Variants in ZNF644 observed in about 807,000 individuals in gnomAD.
The protein encoded by ZNF644 is zinc finger protein 644.
A neutral mutation model predicts 108.0 loss-of-function variants in ZNF644; 20 were observed. The observed-to-expected ratio is 0.19, with a 90% confidence interval of 0.13 to 0.27. The LOEUF is 0.27. Among genes scored for constraint, ZNF644 ranks in the 10% least tolerant of loss-of-function variants. The probability of loss-of-function intolerance (pLI) is 1.00; values close to 1 mark genes in which losing one functional copy is unlikely to be tolerated. For synonymous variants in ZNF644, 542 were observed against 539.1 expected, an observed-to-expected ratio of 1.01 and a Z score of -0.08; for missense variants, 1,338 against 1,548.9, an observed-to-expected ratio of 0.86 and a Z score of 2.29.
rs1164264503 is a variant in ZNF644, at chr1:90,940,539, TTAG to T, written c.812_814del (p.Thr271del). The T allele has an allele frequency of 6.2e-7, 1 of 1,613,894 alleles. No individual in the cohort carries two copies. Among genetic ancestry groups the T allele is most frequent in the Non-Finnish European group, 8.5e-7 (1 of 1,179,952 alleles). On this transcript the variant is annotated inframe_deletion, in exon 3 of 6. Transcript: ENST00000337393. Reference sequence around the variant, plus strand: ...TGGAGCTTTATCTACTGTTTCCTCATTAGTCATAAGAAATTGAATGAACTCTTT... The same window carrying T: ...TGGAGCTTTATCTACTGTTTCCTCATTCATAAGAAATTGAATGAACTCTTT...
At chr1:90,920,699 C>G (rs1200178879) in intron 4 of ZNF644, among the ~76,000 whole-genome samples, 1 of 151,910 alleles carries the variant, frequency 6.6e-6, no homozygotes, top group Non-Finnish European at 1.5e-5. Context: ...CCTTGGAAAG[C>G]AGGACAACTC....
intron 2 of ZNF644, among the ~76,000 whole-genome samples, chr1:90,977,621 AT>A (rs1215985486): frequency 6.6e-6 from 1 of 152,226 alleles, no homozygotes; most frequent in Non-Finnish European, 1.5e-5. Flanking sequence ...GAAAACAGAT[AT>A]TCTCATAAAC....
chr1:90,918,695 A>T (rs1649080978), intron 4 of ZNF644, among the ~76,000 whole-genome samples: 1 of 152,142 alleles, frequency 6.6e-6, no homozygotes, highest in Non-Finnish European at 1.5e-5. Flanking sequence ...TTTCATAGTG[A>T]TTCACCATGA....
intron 1 of ZNF644, among the ~76,000 whole-genome samples, chr1:91,016,353 C>A (rs575459070): frequency 6.6e-6 from 1 of 152,298 alleles, no homozygotes; most frequent in African/African-American, 2.4e-5. Context: ...GCAAACATCA[C>A]AAAGTGTACT....
chr1:91,011,435 T>C (rs573428444), intron 1 of ZNF644, among the ~76,000 whole-genome samples: 7 of 152,316 alleles, frequency 4.6e-5, no homozygotes, highest in African/African-American at 1.4e-4. Flanking sequence ...TTTTTTATTA[T>C]ATACGTTTAA....
At chr1:90,977,462 A>G (rs1321502641) in intron 2 of ZNF644, among the ~76,000 whole-genome samples, 1 of 152,216 alleles carries the variant, frequency 6.6e-6, no homozygotes, top group East Asian at 1.9e-4. Context: ...AAATCTTCAC[A>G]TATATTCTCC....
At chr1:90,986,913 AC>A (rs1657156961) in intron 1 of ZNF644, among the ~76,000 whole-genome samples, 2 of 151,884 alleles carry the variant, frequency 1.3e-5, no homozygotes, top group African/African-American at 4.8e-5. Flanking sequence ...TAAAAAACTT[AC>A]TCTTACCCAA....
intron 2 of ZNF644, among the ~76,000 whole-genome samples, chr1:90,947,269 A>G (rs563153230): frequency 2.0e-5 from 3 of 152,176 alleles, no homozygotes; most frequent in Non-Finnish European, 4.4e-5. Flanking sequence ...TGTAATTAGA[A>G]TAAGTGATGG....
chr1:90,981,815 T>C (rs1019736705), intron 2 of ZNF644, among the ~76,000 whole-genome samples: 1 of 152,088 alleles, frequency 6.6e-6, no homozygotes, highest in Non-Finnish European at 1.5e-5. Flanking sequence ...AATTTACAAT[T>C]TTGAATACTA....
chr1:90,955,519 T>C (rs1275650795), intron 2 of ZNF644, among the ~76,000 whole-genome samples: 1 of 152,246 alleles, frequency 6.6e-6, no homozygotes, highest in Non-Finnish European at 1.5e-5. Context: ...CTCGGTAATT[T>C]GCTGCAGCTT....
intron 1 of ZNF644, among the ~76,000 whole-genome samples, chr1:90,994,659 T>G (rs906233593): frequency 1.3e-5 from 2 of 152,182 alleles, no homozygotes; most frequent in African/African-American, 2.4e-5. Flanking sequence ...TCCCCAACTA[T>G]GCAGTGTAGG....
At chr1:90,928,607 G>A (rs899125509) in intron 4 of ZNF644, among the ~76,000 whole-genome samples, 3 of 151,966 alleles carry the variant, frequency 2.0e-5, no homozygotes, top group Admixed American at 2.0e-4. Flanking sequence ...ACAAGTGTGA[G>A]CCACCACGCC....
At chr1:90,946,451 G>A (rs1307568179) in intron 2 of ZNF644, among the ~76,000 whole-genome samples, 6 of 152,002 alleles carry the variant, frequency 3.9e-5, no homozygotes, top group African/African-American at 1.4e-4. Flanking sequence ...TGATTTCTAA[G>A]GTCCCTTCTA....
chr1:91,017,697 C>A (rs1166202879), intron 1 of ZNF644, among the ~76,000 whole-genome samples: 1 of 152,218 alleles, frequency 6.6e-6, no homozygotes, highest in African/African-American at 2.4e-5. Flanking sequence ...TGCGGTGGCT[C>A]ACGCCTGTAA....
chr1:90,937,460 A>G lies in ZNF644; in HGVS notation c.3688+25T>C, dbSNP rs778718299. On this transcript the variant is annotated intron_variant, in intron 4 of 5. Coordinates refer to ENST00000337393, the MANE Select transcript of ZNF644 (RefSeq NM_201269.3). ...ATTGAACTGCATTTAAACTGTGTAT[A>G]GCATAGTCATAAACGTCCTCTTACC... 7 of 1,613,280 alleles carry G rather than the reference A, an allele frequency of 4.3e-6. No individual in the cohort carries two copies. The South Asian group carries it at 4.4e-5, about 10-fold the overall frequency.
At chr1:91,021,660 C>T (rs1347496147) in intron 1 of ZNF644, 1 of 89,374 alleles carries the variant, frequency 1.1e-5, no homozygotes. Context: ...CCCGCCGAGT[C>T]CCGCCCCGCG....
chr1:90,976,059 G>GAT (rs542940092), intron 2 of ZNF644, among the ~76,000 whole-genome samples: 1 of 152,174 alleles, frequency 6.6e-6, no homozygotes, highest in African/African-American at 2.4e-5. Context: ...GTACATTTAA[G>GAT]AAACTGCCAG....
At chr1:90,933,533 A>G (rs675517) in intron 4 of ZNF644, among the ~76,000 whole-genome samples, 20,556 of 152,000 alleles carry the variant, frequency 0.14, 1,448 homozygotes, top group South Asian at 0.16. Flanking sequence ...GCATGATGGC[A>G]TGAGTCTGTA....
chr1:90,931,597 C>T (rs898352807), intron 4 of ZNF644, among the ~76,000 whole-genome samples: 3 of 152,102 alleles, frequency 2.0e-5, no homozygotes, highest in Non-Finnish European at 2.9e-5. Flanking sequence ...ACCTACCCAA[C>T]AGAAGATAAA....
Sources: gnomAD v4.1 joint callset for allele counts (sites outside exome capture counted in the v4.1 genomes callset) on GRCh38, gnomAD v4.1.1 for gene constraint, MANE v1.5 for transcripts, NCBI Gene and HGNC (gene_info 2026-07-23, HGNC 2026-07-21) for gene names.